EPB41: variants seen among roughly 807,000 people sequenced by gnomAD.
EPB41 encodes protein 4.1.
EPB41 carries 65 observed loss-of-function variants against 108.0 expected under a neutral mutation model. The observed-to-expected ratio is 0.60, with a 90% CI of 0.49 to 0.74. The LOEUF (loss-of-function observed/expected upper bound fraction) is 0.74, where lower values mean the gene tolerates loss of function less well. Among genes scored for constraint, EPB41 ranks in the 30% least tolerant of loss-of-function variants. The pLI, the probability that EPB41 is intolerant of heterozygous loss-of-function variation, is 0.00. For synonymous variants in EPB41, 336 were observed against 358.9 expected, an observed-to-expected ratio of 0.94 and a Z score of 0.72; for missense variants, 875 against 1,037.0, an observed-to-expected ratio of 0.84 and a Z score of 2.15.
chr1:28,920,673 C>T (rs1308274875), intron 1 of EPB41, among the ~76,000 whole-genome samples: 1 of 151,934 alleles, frequency 6.6e-6, no homozygotes, highest in Non-Finnish European at 1.5e-5. Context: ...GGGTCTTACT[C>T]CTGTCACCCA....
At chr1:28,998,358 A>G (rs2096230657) in intron 4 of EPB41, among the ~76,000 whole-genome samples, 1 of 152,216 alleles carries the variant, frequency 6.6e-6, no homozygotes, top group South Asian at 2.1e-4. Flanking sequence ...ATGAATCTGG[A>G]CAGGTATACG....
chr1:28,987,678 C>T lies in EPB41; in HGVS notation c.241C>T (p.Arg81Ter), dbSNP rs372209786. The T allele has an allele frequency of 1.3e-5, 21 of 1,614,094 alleles. No homozygotes were observed. Among genetic ancestry groups the T allele is most frequent in the Admixed American group, 5.0e-5 (3 of 60,004 alleles). Residue 81 changes from arginine (R) to a stop codon, truncating the protein, a stop_gained, in exon 2 of 21, where the codon CGA becomes TGA. Coordinates refer to ENST00000343067, the MANE Select transcript of EPB41 (RefSeq NM_001376013.1). LOFTEE classifies it high-confidence loss of function. The part of the protein sequence containing the change: ...ERTSESRGLS[R>*]LFSSFLKRPK... ...GACATCAGAAAGCAGAGGACTTTCA[C>T]GACTATTCTCCTCGTTTCTCAAAAG...
chr1:29,002,007 C>G (rs1368669515), intron 4 of EPB41, among the ~76,000 whole-genome samples: 1 of 152,122 alleles, frequency 6.6e-6, no homozygotes, highest in Non-Finnish European at 1.5e-5. Context: ...GAGAGACTAG[C>G]TTTGCCACAT....
chr1:28,978,186 C>T (rs559441713), intron 1 of EPB41, among the ~76,000 whole-genome samples: 17 of 151,356 alleles, frequency 1.1e-4, no homozygotes, highest in Non-Finnish European at 1.9e-4. Flanking sequence ...TTCTTATGTT[C>T]GGCTTGTTTT....
chr1:28,967,075 G>C (rs1388528617), intron 1 of EPB41, among the ~76,000 whole-genome samples: 2 of 130,532 alleles, frequency 1.5e-5, no homozygotes, highest in Non-Finnish European at 3.1e-5. Flanking sequence ...CTGGAGTGCA[G>C]TGGCATGATC....
chr1:28,902,782 G>C (rs1570190783), intron 1 of EPB41, among the ~76,000 whole-genome samples: 1 of 152,274 alleles, frequency 6.6e-6, no homozygotes, highest in South Asian at 2.1e-4. Context: ...TGAGACTCAG[G>C]AGCCTGAGCT....
chr1:28,947,418 CAA>C (rs2094527695), intron 1 of EPB41, among the ~76,000 whole-genome samples: 1 of 98,558 alleles, frequency 1.0e-5, no homozygotes, highest in African/African-American at 4.7e-5. Flanking sequence ...GACAAACAAA[CAA>C]ACAAACAAAC....
At chr1:29,009,356 A>G (rs1279989302) in intron 4 of EPB41, among the ~76,000 whole-genome samples, 1 of 152,146 alleles carries the variant, frequency 6.6e-6, no homozygotes, top group Non-Finnish European at 1.5e-5. Flanking sequence ...TTTATTCTAC[A>G]TGGTAGCTTA....
At chr1:28,928,534 A>G (rs1439941598) in intron 1 of EPB41, among the ~76,000 whole-genome samples, 1 of 152,234 alleles carries the variant, frequency 6.6e-6, no homozygotes, top group East Asian at 1.9e-4. Context: ...CACAGATCAT[A>G]TAATCTCTGA....
intron 3 of EPB41, among the ~76,000 whole-genome samples, chr1:28,995,228 C>G (rs1172475883): frequency 6.6e-6 from 1 of 151,938 alleles, no homozygotes; most frequent in African/African-American, 2.4e-5. Flanking sequence ...ATATGGATCT[C>G]TTATATATGA....
At chr1:28,892,788 T>A (rs1453642015) in intron 1 of EPB41, among the ~76,000 whole-genome samples, 1 of 147,340 alleles carries the variant, frequency 6.8e-6, no homozygotes, top group Non-Finnish European at 1.5e-5. Context: ...GTCAGGATTT[T>A]CCCAGGTTCT....
chr1:29,070,756 A>G (rs1650959795), intron 16 of EPB41: 2 of 1,171,832 alleles, frequency 1.7e-6, no homozygotes, highest in Non-Finnish European at 2.1e-6. Flanking sequence ...TTTTCTGTCA[A>G]ATGTTACTCT....
chr1:28,988,050 G>A, intron 2 of EPB41, 145 bp downstream of exon 2: 5 of 839,152 alleles, frequency 6.0e-6, no homozygotes, highest in Non-Finnish European at 9.6e-6. Flanking sequence ...ATCAACTGAG[G>A]TCAGGAGTTC....
chr1:29,040,349 G>A (rs548047538), intron 11 of EPB41, among the ~76,000 whole-genome samples: 5 of 151,230 alleles, frequency 3.3e-5, no homozygotes, highest in Non-Finnish European at 5.9e-5. Context: ...ACTCAACCTC[G>A]GCCCACTGCA....
chr1:28,914,211 G>C (rs1267306822), upstream of EPB41, among the ~76,000 whole-genome samples: 1 of 152,204 alleles, frequency 6.6e-6, no homozygotes, highest in Non-Finnish European at 1.5e-5. Context: ...TACTTGGAAG[G>C]AGGAAAGGGC....
At chr1:29,098,257 C>T (rs1663942430) in intron 17 of EPB41, among the ~76,000 whole-genome samples, 1 of 151,680 alleles carries the variant, frequency 6.6e-6, no homozygotes, top group South Asian at 2.1e-4. Context: ...TGCAGTGGCG[C>T]AATCTCGGCT....
At chr1:28,916,658 A>C (rs540350471) in intron 1 of EPB41, among the ~76,000 whole-genome samples, 1 of 152,222 alleles carries the variant, frequency 6.6e-6, no homozygotes, top group Admixed American at 6.5e-5. Flanking sequence ...CTCATTGTTG[A>C]ACATAAGTTC....
chr1:28,895,906 G>A (rs377064622), intron 1 of EPB41, among the ~76,000 whole-genome samples: 1 of 152,170 alleles, frequency 6.6e-6, no homozygotes, highest in African/African-American at 2.4e-5. Flanking sequence ...AGCTACTGAC[G>A]TGTTTGTCGG....
intron 1 of EPB41, among the ~76,000 whole-genome samples, chr1:28,908,681 C>T (rs1306471538): frequency 6.6e-6 from 1 of 150,618 alleles, no homozygotes; most frequent in Non-Finnish European, 1.5e-5. Context: ...CCACCCGCCT[C>T]GGCCTCCCAA....
Sources: allele counts gnomAD v4.1 joint callset (sites outside exome capture counted in the v4.1 genomes callset), GRCh38; gene constraint gnomAD v4.1.1; transcripts MANE v1.5; gene names NCBI Gene and HGNC (gene_info 2026-07-23, HGNC 2026-07-21).